Variants in SWT1 observed in about 807,000 individuals in gnomAD.
SWT1 encodes SWT1 RNA endoribonuclease homolog, also known as transcriptional protein SWT1.
Under a neutral mutation model 107.3 loss-of-function variants are expected in SWT1, and 33 were observed. The observed-to-expected ratio is 0.31, with a 90% CI of 0.23 to 0.41. The LOEUF (loss-of-function observed/expected upper bound fraction) is 0.41, where lower values mean the gene tolerates loss of function less well. Ranked by LOEUF, SWT1 falls within the 10% of genes least tolerant of loss-of-function variation. SWT1 has a pLI of 1.00. For missense variants in SWT1, 898 were observed against 1,028.9 expected, an observed-to-expected ratio of 0.87 and a Z score of 1.74; for synonymous variants, 345 against 348.3, an observed-to-expected ratio of 0.99 and a Z score of 0.11.
At chr1:185,195,815 A>C (rs1217993075) in intron 10 of SWT1, among the ~76,000 whole-genome samples, 1 of 152,192 alleles carries the variant, frequency 6.6e-6, no homozygotes, top group East Asian at 1.9e-4. Context: ...GTGTCTGTTC[A>C]TATCATTTGC....
rs190489952 is a variant in SWT1 at position 185,232,034 on chromosome 1, T to A, written c.2441+326T>A. Among the ~76,000 whole-genome samples the A allele has an allele frequency of 6.6e-5, 10 of 152,326 alleles. 1 individual carries two copies. The East Asian group carries it at 1.9e-3, about 29-fold the overall frequency. On this transcript the variant is annotated intron_variant, in intron 16 of 18. Coordinates refer to ENST00000367500, the MANE Select transcript of SWT1 (RefSeq NM_017673.7). ...GAAAAACTTGAATTTTCAAAAAATTTTTTTTTCATTTCTCTTGAATGGTTT... is the reference window on the plus strand; with the variant it reads ...GAAAAACTTGAATTTTCAAAAAATTATTTTTTCATTTCTCTTGAATGGTTT...
intron 7 of SWT1, among the ~76,000 whole-genome samples, chr1:185,182,709 C>T (rs1199610881): frequency 7.0e-6 from 1 of 143,780 alleles, no homozygotes; most frequent in South Asian, 2.3e-4. Context: ...ATGCAGATTG[C>T]TTGAAGGTAT....
At position 185,172,802 on chromosome 1, in the gene SWT1, A is replaced by T. The variant is rs1326747526; in HGVS notation, c.225-1570A>T. 2.0e-5 allele frequency among the ~76,000 whole-genome samples: 3 copies of T among 152,104 alleles called. No homozygotes were observed. The East Asian group carries it at 5.8e-4, about 29-fold the overall frequency. On this transcript the variant is annotated intron_variant, in intron 4 of 18. Transcript: ENST00000367500. The stretch of plus-strand genomic sequence containing the variant: ...GGTGGCTCACACCTGTAATCCCAGC[A>T]CTTTGGGAGGCCGAGGTGGGCAGAT...
At chr1:185,253,377 A>G (rs1662207786) in intron 16 of SWT1, among the ~76,000 whole-genome samples, 1 of 151,850 alleles carries the variant, frequency 6.6e-6, no homozygotes, top group Non-Finnish European at 1.5e-5. Flanking sequence ...CTTGGGCAGT[A>G]TGGCCATTTT....
intron 2 of SWT1, among the ~76,000 whole-genome samples, chr1:185,165,647 T>G (rs1654506674): frequency 6.6e-6 from 1 of 152,222 alleles, no homozygotes; most frequent in Non-Finnish European, 1.5e-5. Flanking sequence ...TACTTTCCAG[T>G]GTTTTTCCAC....
intron 4 of SWT1, among the ~76,000 whole-genome samples, chr1:185,172,178 A>AT (rs946110547): frequency 7.2e-5 from 11 of 152,248 alleles, no homozygotes; most frequent in Admixed American, 6.5e-5. Flanking sequence ...TGTGTTTGAC[A>AT]TTTTTCCCCT....
intron 14 of SWT1, 21 bp downstream of exon 14, chr1:185,214,676 C>T (rs1553257202): frequency 3.2e-6 from 5 of 1,586,136 alleles, no homozygotes; most frequent in South Asian, 1.2e-5. Context: ...TTTGGAATGC[C>T]AGTTAGAGTA....
chr1:185,281,029 G>A (rs980312136), intron 18 of SWT1: 4 of 302,594 alleles, frequency 1.3e-5, no homozygotes, highest in African/African-American at 8.9e-5. Flanking sequence ...TGATGACTAA[G>A]TCCTTTTTTA....
rs755212893 is a variant in SWT1, at chr1:185,168,331, T to TA, written c.166-9_166-8insA. The TA allele has an allele frequency of 8.7e-7, 1 of 1,153,400 alleles. No individual in the cohort carries two copies. The highest frequency in any genetic ancestry group is 1.1e-6 in the Non-Finnish European group (1 of 893,758). 71.4% of individuals were successfully genotyped at this position (1,153,400 alleles called of 1,614,324 possible). On this transcript the variant is annotated splice_polypyrimidine_tract_variant and intron_variant, in intron 3 of 18. Coordinates refer to ENST00000367500, the MANE Select transcript of SWT1 (RefSeq NM_017673.7). The stretch of plus-strand genomic sequence containing the variant: ...CACAATTTATGTGTCCTTTTTTTAT[T>TA]TATTTCAGAAATCAGATCATACAGA...
intron 9 of SWT1, among the ~76,000 whole-genome samples, chr1:185,187,341 C>T (rs534276391): frequency 5.9e-5 from 9 of 152,022 alleles, no homozygotes; most frequent in South Asian, 2.1e-4. Flanking sequence ...GTGTGAGCCA[C>T]GGTGCCTGGC....
intron 16 of SWT1, among the ~76,000 whole-genome samples, chr1:185,253,180 C>T (rs1662185214): frequency 6.7e-6 from 1 of 149,542 alleles, no homozygotes; most frequent in Admixed American, 6.7e-5. Flanking sequence ...GTTTTGGTTA[C>T]TGTAGCCTTG....
intron 2 of SWT1, among the ~76,000 whole-genome samples, chr1:185,166,024 GTTTCC>G (rs1654540479): frequency 6.6e-6 from 1 of 152,006 alleles, no homozygotes; most frequent in Non-Finnish European, 1.5e-5. Context: ...AGCCCTTCCT[GTTTCC>G]TTTCTCTGCT....
chr1:185,282,137 TTTTCCCCACCGTAAAAGACTCTTGGGGTC>T (rs1211449629), intron 18 of SWT1, among the ~76,000 whole-genome samples: 1 of 152,190 alleles, frequency 6.6e-6, no homozygotes, highest in Non-Finnish European at 1.5e-5. Flanking sequence ...GGAGTTGAGT[TTTTCCCCACCGTAAAAGACTCTTGGGGTC>T]TATTTCTGGT....
intron 1 of SWT1, among the ~76,000 whole-genome samples, chr1:185,158,009 CTG>C (rs1468645520): frequency 6.6e-6 from 1 of 152,186 alleles, no homozygotes; most frequent in Non-Finnish European, 1.5e-5. Context: ...AACTTTCTGG[CTG>C]CCCTGCTTGG....
Position 185,221,890 on chromosome 1 carries a change from G to T in SWT1, c.2163G>T (p.Val721=), listed in dbSNP as rs773312305. 1.9e-6 allele frequency: 3 copies of T among 1,605,218 alleles called. No homozygotes were observed. The highest frequency in any genetic ancestry group is 2.5e-6 in the Non-Finnish European group (3 of 1,177,248). The change falls in exon 15 of 19, where the codon GTG becomes GTT. Residue 721 remains valine, a synonymous_variant. Coordinates refer to ENST00000367500, the MANE Select transcript of SWT1 (RefSeq NM_017673.7). ...AGCCAAATTCTTCAGAAAACACAGT[G>T]ACTAAAAAGCAGGAAGGTACTTCAT... ...KLKPNSSENT[V]TKKQEGTSLK...
chr1:185,290,843 A>T lies in SWT1; in HGVS notation c.*40A>T. The T allele has an allele frequency of 6.4e-7, 1 of 1,568,396 alleles. No homozygotes were observed. Among genetic ancestry groups the T allele is most frequent in the East Asian group, 2.3e-5 (1 of 43,748 alleles). ...CTTTAAAGGAATTGCATTTGTCCTT[A>T]AGAATAACAGAGTAGTTTTCAATCT... On this transcript the variant is annotated 3_prime_UTR_variant, in exon 19 of 19. Coordinates refer to ENST00000367500, the MANE Select transcript of SWT1 (RefSeq NM_017673.7).
intron 13 of SWT1, 133 bp from the exon 14 acceptor site, chr1:185,214,374 T>C (rs1051269694): frequency 9.5e-6 from 5 of 527,600 alleles, no homozygotes; most frequent in African/African-American, 8.0e-5. Flanking sequence ...ACCAGAGGGA[T>C]AACTTAGGAG....
chr1:185,192,643 G>A (rs928593203), intron 10 of SWT1, among the ~76,000 whole-genome samples: 1 of 150,266 alleles, frequency 6.7e-6, no homozygotes, highest in African/African-American at 2.4e-5. Context: ...CGTCTGTAAC[G>A]CCTCTCTTTT....
In SWT1 at chr1:185,184,728, C is replaced by T. The variant is rs771033903; in HGVS notation, c.1241-15C>T. ...AAATGTTTGTTAAATTCTAAGAAAT[C>T]TTTTTATTTTTTAGGTTTTGACAAA... On this transcript the variant is annotated splice_polypyrimidine_tract_variant and intron_variant, in intron 8 of 18. Coordinates refer to ENST00000367500, the MANE Select transcript of SWT1 (RefSeq NM_017673.7). 1 of 1,591,622 alleles carries T rather than the reference C, an allele frequency of 6.3e-7. No individual in the cohort carries two copies. Among genetic ancestry groups the T allele is most frequent in the Admixed American group, 1.8e-5 (1 of 56,540 alleles).
Sources: allele counts gnomAD v4.1 joint callset (sites outside exome capture counted in the v4.1 genomes callset), GRCh38; gene constraint gnomAD v4.1.1; transcripts MANE v1.5; gene names NCBI Gene and HGNC (gene_info 2026-07-23, HGNC 2026-07-21).